The following PLXNA4 variants were observed in gnomAD, a reference collection of about 807,000 sequenced individuals.
The protein encoded by PLXNA4 is plexin A4.
PLXNA4 carries 44 observed loss-of-function variants against 191.8 expected under a neutral mutation model. The ratio of observed to expected loss-of-function variants is 0.23; its 90% CI spans 0.18 to 0.29. PLXNA4 has a LOEUF of 0.29. PLXNA4 is among the 10% of genes least tolerant of loss of function. The pLI, the probability that PLXNA4 is intolerant of heterozygous loss-of-function variation, is 1.00. For synonymous variants in PLXNA4, 1,082 were observed against 1,009.5 expected (o/e 1.07, Z -1.36); for missense variants, 1,800 against 2,488.8 (o/e 0.72, Z 5.89).
chr7:132,458,669 C>G (rs2117344055), intron 3 of PLXNA4, among the ~76,000 whole-genome samples: 1 of 151,864 alleles, frequency 6.6e-6, no homozygotes, highest in Admixed American at 6.6e-5. Flanking sequence ...TGGGAGGGAA[C>G]AGAAGGGGAC....
chr7:132,443,705 C>T (rs1004347999), intron 3 of PLXNA4, among the ~76,000 whole-genome samples: 3 of 152,232 alleles, frequency 2.0e-5, no homozygotes. Context: ...CTTTATTACA[C>T]ATAAGTGAAA....
intron 3 of PLXNA4, among the ~76,000 whole-genome samples, chr7:132,444,379 C>T (rs1014302845): frequency 6.6e-6 from 1 of 152,344 alleles, no homozygotes; most frequent in South Asian, 2.1e-4. Flanking sequence ...CTCAGCCTCC[C>T]GAGTAGCTGG....
At chr7:132,222,849 T>C (rs1159389637) in intron 9 of PLXNA4, among the ~76,000 whole-genome samples, 3 of 152,164 alleles carry the variant, frequency 2.0e-5, no homozygotes, top group Non-Finnish European at 4.4e-5. Context: ...CATTTTAGCC[T>C]TAGAGCCAAA....
At chr7:132,160,225 G>A (rs1795908136) in intron 24 of PLXNA4, among the ~76,000 whole-genome samples, 1 of 152,146 alleles carries the variant, frequency 6.6e-6, no homozygotes, top group Non-Finnish European at 1.5e-5. Context: ...AAATCTATAA[G>A]ACACTTAATG....
Position 132,298,167 on chromosome 7 carries a change from A to G in PLXNA4, c.1427T>C (p.Val476Ala). The change falls in exon 4 of 32, where the codon GTG becomes GCG. Residue 476 changes from valine to alanine, a missense_variant. Transcript: ENST00000321063. ...ATCCCGGAGGACTGGGCCGGGGTCC[A>G]CCACCTGCACCGTCTCATACTGGAG... ...NALQYETVQV[V>A]DPGPVLRDMA... 1 of 1,614,156 alleles carries G rather than the reference A, an allele frequency of 6.2e-7. No homozygotes were observed. The highest frequency in any genetic ancestry group is 8.5e-7 in the Non-Finnish European group (1 of 1,180,026).
intron 29 of PLXNA4, among the ~76,000 whole-genome samples, chr7:132,144,639 TG>T (rs1795365876): frequency 6.6e-6 from 1 of 152,202 alleles, no homozygotes; most frequent in Non-Finnish European, 1.5e-5. Context: ...TTCTAAGATC[TG>T]GTTGCACACG....
At position 132,146,498 on chromosome 7, in the gene PLXNA4, C is replaced by T. The variant is rs755692998; in HGVS notation, c.5055+12G>A. On this transcript the variant is annotated intron_variant, in intron 28 of 31. Transcript: ENST00000321063. ...CTCTGGGCTCCCTGCACCCAGTTCT[C>T]AAGTCTGATACCTTAGTGGCCAGGA... 5 of 1,614,130 alleles carry T rather than the reference C, an allele frequency of 3.1e-6. No individual in the cohort carries two copies. Among genetic ancestry groups the T allele is most frequent in the Non-Finnish European group, 4.2e-6 (5 of 1,180,026 alleles).
Position 132,489,478 on chromosome 7 carries a change from C to T in PLXNA4, c.1189-4G>A. The T allele has an allele frequency of 6.5e-7, 1 of 1,542,160 alleles. No individual in the cohort carries two copies. Among genetic ancestry groups the T allele is most frequent in the Non-Finnish European group, 8.9e-7 (1 of 1,129,864 alleles). On this transcript the variant is annotated splice_region_variant and splice_polypyrimidine_tract_variant and intron_variant, in intron 2 of 31. Transcript: ENST00000321063. Reference sequence around the variant, plus strand: ...AGTTATCGTCAATGGTTAAGAGCTGCAAATTTTAAAAAGAGAAAAATTAGA... The same window carrying T: ...AGTTATCGTCAATGGTTAAGAGCTGTAAATTTTAAAAAGAGAAAAATTAGA...
intron 3 of PLXNA4, among the ~76,000 whole-genome samples, chr7:132,416,446 G>T (rs1422071198): frequency 6.6e-6 from 1 of 152,172 alleles, no homozygotes; most frequent in East Asian, 1.9e-4. Flanking sequence ...AATGGCCCAG[G>T]TCACATAGCC....
chr7:132,460,056 T>A (rs1422716988), intron 3 of PLXNA4, among the ~76,000 whole-genome samples: 1 of 151,952 alleles, frequency 6.6e-6, no homozygotes, highest in Non-Finnish European at 1.5e-5. Flanking sequence ...CAGATACAAC[T>A]GTTTAAATTC....
At chr7:132,282,832 T>C (rs115712469) in intron 4 of PLXNA4, among the ~76,000 whole-genome samples, 2,304 of 151,988 alleles carry the variant, frequency 0.015, 49 homozygotes, top group African/African-American at 0.052. Flanking sequence ...CTCCCCTAGA[T>C]TATTGTGAAG....
chr7:132,327,169 CA>C (rs60359571), intron 3 of PLXNA4, among the ~76,000 whole-genome samples: 24 of 124,482 alleles, frequency 1.9e-4, no homozygotes, highest in South Asian at 2.6e-4. Context: ...AAAAGGAAGG[CA>C]AAAAAAAAAG....
At chr7:132,294,470 G>A (rs904158118) in intron 4 of PLXNA4, among the ~76,000 whole-genome samples, 2 of 152,296 alleles carry the variant, frequency 1.3e-5, no homozygotes, top group African/African-American at 2.4e-5. Flanking sequence ...GGATTTAAAC[G>A]GAGGAATGAC....
chr7:132,453,041 C>G (rs1246921192), intron 3 of PLXNA4, among the ~76,000 whole-genome samples: 2 of 152,088 alleles, frequency 1.3e-5, no homozygotes, highest in Non-Finnish European at 2.9e-5. Context: ...GAGCCACGCA[C>G]CACGTTCTAG....
intron 30 of PLXNA4, among the ~76,000 whole-genome samples, chr7:132,139,337 A>G (rs1795201017): frequency 6.6e-6 from 1 of 152,244 alleles, no homozygotes; most frequent in Non-Finnish European, 1.5e-5. Flanking sequence ...ATTTTCAAGT[A>G]TAAAGACAGA....
At chr7:132,198,450 C>T in intron 13 of PLXNA4, 35 bp downstream of exon 13, 2 of 1,606,210 alleles carry the variant, frequency 1.2e-6, no homozygotes, top group South Asian at 2.2e-5. Flanking sequence ...TCTTCCCTCC[C>T]CTGTTCCTCC....
At chr7:132,181,244 T>C in intron 18 of PLXNA4, 137 bp downstream of exon 18, 1 of 1,449,488 alleles carries the variant, frequency 6.9e-7, no homozygotes, top group South Asian at 1.3e-5. Context: ...AGAACATTTA[T>C]CACACTCTGG....
intron 1 of PLXNA4, among the ~76,000 whole-genome samples, chr7:132,517,276 G>A (rs923082660): frequency 6.6e-6 from 1 of 152,158 alleles, no homozygotes; most frequent in Non-Finnish European, 1.5e-5. Flanking sequence ...GTATCCAGGT[G>A]TGACTGTGTG....
In PLXNA4 at chr7:132,384,865, T is replaced by G. The variant is rs150353756; in HGVS notation, c.1372-86643A>C. 5.8e-5 allele frequency: 69 copies of G among 1,180,922 alleles called. No individual in the cohort carries two copies. The East Asian group carries it at 2.5e-3, about 43-fold the overall frequency. The allele number at this position is 1,180,922 out of a possible 1,614,324, so 73.2% of individuals were successfully genotyped here. ...CCTACCATATATCAGGCCCAAGAGA[T>G]AACTATATTCCGATGGGAGAATCAG... On this transcript the variant is annotated intron_variant, in intron 3 of 31. Transcript: ENST00000321063.
Sources: allele counts gnomAD v4.1 joint callset (sites outside exome capture counted in the v4.1 genomes callset), GRCh38; gene constraint gnomAD v4.1.1; transcripts MANE v1.5; gene names NCBI Gene and HGNC (gene_info 2026-07-23, HGNC 2026-07-21).